The following TLL1 variants were observed in gnomAD, a reference collection of about 807,000 sequenced individuals.
TLL1 encodes tolloid-like protein 1.
Under a neutral mutation model 128.2 loss-of-function variants are expected in TLL1, and 49 were observed. That is an observed-to-expected ratio of 0.38 (90% CI 0.30 to 0.48). The LOEUF (loss-of-function observed/expected upper bound fraction) is 0.48, where lower values mean the gene tolerates loss of function less well. TLL1 is among the 20% of genes least tolerant of loss of function. The pLI, the probability that TLL1 is intolerant of heterozygous loss-of-function variation, is 0.96. For synonymous variants in TLL1, 454 were observed against 418.8 expected (o/e 1.08, Z -1.03); for missense variants, 1,123 against 1,242.0 (o/e 0.90, Z 1.44).
At chr4:166,099,235 AG>A (rs752708083) in intron 19 of TLL1, 41 bp from the exon 20 acceptor site, 11 of 1,613,036 alleles carry the variant, frequency 6.8e-6, no homozygotes, top group Non-Finnish European at 9.3e-6. Flanking sequence ...GACCCGTTAA[AG>A]CTCATTGACC....
chr4:165,949,662 CAG>C (rs1383313823), intron 1 of TLL1, among the ~76,000 whole-genome samples: 1 of 151,990 alleles, frequency 6.6e-6, no homozygotes, highest in Admixed American at 6.6e-5. Context: ...CAGACGAGAA[CAG>C]AGAGAGTCAA....
chr4:166,016,958 G>C (rs1162960920), intron 8 of TLL1, among the ~76,000 whole-genome samples: 2 of 151,600 alleles, frequency 1.3e-5, no homozygotes, highest in African/African-American at 4.8e-5. Context: ...CTTTGACTCA[G>C]TGGCTATATG....
At chr4:166,035,722 C>G (rs914894548) in intron 9 of TLL1, among the ~76,000 whole-genome samples, 1 of 151,952 alleles carries the variant, frequency 6.6e-6, no homozygotes, top group Non-Finnish European at 1.5e-5. Context: ...CTGGAAAGAA[C>G]ATAGAGTAAA....
chr4:166,102,623 A>G lies in TLL1; in HGVS notation c.*1747A>G, dbSNP rs987095182. 2.0e-5 allele frequency: 3 copies of G among 152,116 alleles called. No homozygotes were observed. Among genetic ancestry groups the G allele is most frequent in the African/African-American group, 7.2e-5 (3 of 41,432 alleles). The allele number at this position is 152,116 out of a possible 1,614,324, so 9.4% of individuals were successfully genotyped here. ...GTAGCTTTGTGTCTGTTACCTGTCC[A>G]TGAGCATACAACATTGAATACAATT... On this transcript the variant is annotated 3_prime_UTR_variant, in exon 21 of 21. Coordinates refer to ENST00000061240, the MANE Select transcript of TLL1 (RefSeq NM_012464.5).
At chr4:165,949,556 G>A (rs973890713) in intron 1 of TLL1, among the ~76,000 whole-genome samples, 17 of 152,230 alleles carry the variant, frequency 1.1e-4, no homozygotes, top group Non-Finnish European at 1.9e-4. Flanking sequence ...AGACATACCC[G>A]AGACTGAGCA....
At chr4:166,099,561 G>T (rs1297427295) in intron 20 of TLL1, 34 bp downstream of exon 20, 2 of 1,577,602 alleles carry the variant, frequency 1.3e-6, no homozygotes, top group South Asian at 1.1e-5. Context: ...CCCTAGACAT[G>T]ATTAAAGATG....
At chr4:166,057,041 T>G (rs918358651) in intron 13 of TLL1, 143 bp from the exon 14 acceptor site, 1 of 836,218 alleles carries the variant, frequency 1.2e-6, no homozygotes, top group Admixed American at 1.9e-5. Context: ...CAGTTACCTC[T>G]CACCAGGTCC....
rs764385232 is a variant in TLL1, at chr4:166,100,802, A to G, written c.2968A>G (p.Thr990Ala). The change falls in exon 21 of 21, where the codon ACA (threonine) becomes GCA (alanine). Residue 990 changes from threonine to alanine, a missense_variant. By Grantham distance (58) the Thr-to-Ala change is moderately conservative. This residue lies in a region of TLL1 where 634 missense variants were observed against 672.4 expected (regional missense o/e 0.94). Coordinates refer to ENST00000061240, the MANE Select transcript of TLL1 (RefSeq NM_012464.5). ...SVLIHFHTDDTINKKGFHIRY... is the reference protein window; with the variant it reads ...SVLIHFHTDDAINKKGFHIRY... Reference sequence around the variant, plus strand: ...TTTAATTCATTTCCACACTGATGACACAATCAACAAGAAGGGATTTCATAT... The same window carrying G: ...TTTAATTCATTTCCACACTGATGACGCAATCAACAAGAAGGGATTTCATAT... 1 of 1,613,062 alleles carries G rather than the reference A, an allele frequency of 6.2e-7. No homozygotes were observed. Among genetic ancestry groups the G allele is most frequent in the Non-Finnish European group, 8.5e-7 (1 of 1,179,418 alleles).
intron 7 of TLL1, among the ~76,000 whole-genome samples, chr4:166,009,599 T>C (rs1288114566): frequency 2.0e-5 from 3 of 151,440 alleles, no homozygotes; most frequent in Non-Finnish European, 4.4e-5. Flanking sequence ...AACCATCCTA[T>C]GCATTTTTCA....
intron 1 of TLL1, among the ~76,000 whole-genome samples, chr4:165,931,118 A>G (rs1733491993): frequency 6.6e-6 from 1 of 152,224 alleles, no homozygotes; most frequent in Admixed American, 6.5e-5. Flanking sequence ...GGTAAGAAAA[A>G]CAACTTATAA....
chr4:166,065,813 A>G lies in TLL1; in HGVS notation c.2138A>G (p.Lys713Arg), dbSNP rs978461024. The stretch of plus-strand genomic sequence containing the variant: ...TTCAACAATATGAGAATTGAATTCA[A>G]ATCTGACAATACTGTATCCAAGAAG... ...SQFNNMRIEF[K>R]SDNTVSKKGF... The change falls in exon 16 of 21, where the codon AAA (lysine) becomes AGA (arginine). Residue 713 changes from lysine (K) to arginine (R), a missense_variant. This residue lies in a region of TLL1 where 634 missense variants were observed against 672.4 expected (regional missense o/e 0.94). Coordinates refer to ENST00000061240, the MANE Select transcript of TLL1 (RefSeq NM_012464.5). The G allele has an allele frequency of 6.8e-6, 11 of 1,613,042 alleles. No homozygotes were observed. Among genetic ancestry groups the G allele is most frequent in the Admixed American group, 6.7e-5 (4 of 59,892 alleles).
At chr4:166,069,987 C>T (rs1298497701) in intron 16 of TLL1, among the ~76,000 whole-genome samples, 2 of 151,658 alleles carry the variant, frequency 1.3e-5, no homozygotes, top group Admixed American at 1.3e-4. Context: ...ACCATTTGGA[C>T]ATTATGTAGA....
At chr4:165,920,372 G>A (rs753288490) in intron 1 of TLL1, among the ~76,000 whole-genome samples, 44 of 152,166 alleles carry the variant, frequency 2.9e-4, no homozygotes, top group Non-Finnish European at 5.3e-4. Flanking sequence ...TTAGAGAATT[G>A]TTGTTGAGCA....
chr4:165,985,913 C>CCCCCTATTT (rs1486671982), intron 1 of TLL1, among the ~76,000 whole-genome samples: 1 of 151,802 alleles, frequency 6.6e-6, no homozygotes, highest in African/African-American at 2.4e-5. Flanking sequence ...TTAGCTCCAA[C>CCCCCTATTT]CCCCTATTTG....
intron 1 of TLL1, among the ~76,000 whole-genome samples, chr4:165,968,793 A>G (rs980573743): frequency 6.6e-6 from 1 of 152,120 alleles, no homozygotes; most frequent in African/African-American, 2.4e-5. Flanking sequence ...TCATCTTTTA[A>G]AAGTCAGAGT....
At chr4:165,933,155 T>TA (rs1399048075) in intron 1 of TLL1, among the ~76,000 whole-genome samples, 1 of 152,182 alleles carries the variant, frequency 6.6e-6, no homozygotes, top group Non-Finnish European at 1.5e-5. Context: ...AATGGGTACT[T>TA]AAAGCATCAA....
intron 1 of TLL1, among the ~76,000 whole-genome samples, chr4:165,980,083 C>T (rs942826877): frequency 1.3e-5 from 2 of 152,136 alleles, no homozygotes; most frequent in African/African-American, 4.8e-5. Context: ...ACATTGGAAG[C>T]ATATAAGTAA....
At chr4:166,072,915 C>T (rs1431829701) in intron 16 of TLL1, among the ~76,000 whole-genome samples, 3 of 149,874 alleles carry the variant, frequency 2.0e-5, no homozygotes, top group African/African-American at 7.6e-5. Context: ...AACTAATTTT[C>T]TCTAAGCTGC....
intron 1 of TLL1, among the ~76,000 whole-genome samples, chr4:165,895,713 C>A (rs1731644893): frequency 7.2e-6 from 1 of 138,300 alleles, no homozygotes; most frequent in Admixed American, 7.1e-5. Context: ...CTAGGATAGG[C>A]AAAATAATCT....
Sources: gnomAD v4.1 joint callset for allele counts (sites outside exome capture counted in the v4.1 genomes callset) on GRCh38, gnomAD v4.1.1 for gene constraint, gnomAD v4.1.1 regional missense constraint, MANE v1.5 for transcripts, NCBI Gene and HGNC (gene_info 2026-07-23, HGNC 2026-07-21) for gene names.